SLC35F1: variants seen among roughly 807,000 people sequenced by gnomAD.
SLC35F1 encodes chromosome 6 open reading frame 169.
Under a neutral mutation model 48.7 loss-of-function variants are expected in SLC35F1, and 14 were observed. The ratio of observed to expected loss-of-function variants is 0.29; its 90% CI spans 0.19 to 0.45. SLC35F1 has a LOEUF of 0.45. SLC35F1 is among the 20% of genes least tolerant of loss of function. SLC35F1 has a pLI of 1.00. For missense variants in SLC35F1, 404 were observed against 500.0 expected, an observed-to-expected ratio of 0.81 and a Z score of 1.83; for synonymous variants, 190 against 202.2, an observed-to-expected ratio of 0.94 and a Z score of 0.51.
intron 7 of SLC35F1, among the ~76,000 whole-genome samples, chr6:118,306,290 G>A (rs938896697): frequency 7.2e-5 from 11 of 152,194 alleles, no homozygotes; most frequent in African/African-American, 2.4e-4. Flanking sequence ...GCAGTGACAG[G>A]AAGCATAAAT....
chr6:118,076,718 A>G (rs1455641208), intron 1 of SLC35F1, among the ~76,000 whole-genome samples: 1 of 152,224 alleles, frequency 6.6e-6, no homozygotes, highest in East Asian at 1.9e-4. Flanking sequence ...AACCGTTATC[A>G]GTTGGTTAAA....
At chr6:118,160,021 C>T (rs1425719239) in intron 2 of SLC35F1, among the ~76,000 whole-genome samples, 1 of 152,122 alleles carries the variant, frequency 6.6e-6, no homozygotes, top group Non-Finnish European at 1.5e-5. Flanking sequence ...GCAATTTACT[C>T]ATTGCTGGAG....
chr6:118,229,495 A>G (rs1315583936), intron 2 of SLC35F1, among the ~76,000 whole-genome samples: 3 of 152,202 alleles, frequency 2.0e-5, no homozygotes, highest in Non-Finnish European at 4.4e-5. Context: ...TCAGTAGGTC[A>G]GGAAAGATCC....
chr6:118,116,996 G>C (rs192106489), intron 1 of SLC35F1, among the ~76,000 whole-genome samples: 9 of 152,292 alleles, frequency 5.9e-5, no homozygotes, highest in African/African-American at 1.9e-4. Context: ...TCACAAGGCA[G>C]CATATTCTAA....
rs1479510914 is a variant in SLC35F1, at chr6:117,923,633, A to G, written c.173+15734A>G. On this transcript the variant is annotated intron_variant, in intron 1 of 7. Transcript: ENST00000360388. ...CATATACATATGTATATATACATAT[A>G]TGTACATATGTACATATGTACATAT... is the stretch of plus-strand genomic sequence containing the variant. Among the ~76,000 whole-genome samples, 2 of 113,772 alleles carry G rather than the reference A, an allele frequency of 1.8e-5. 1 individual carries two copies. The highest frequency in any genetic ancestry group is 7.3e-5 in the African/African-American group (2 of 27,262). 74.6% of individuals were successfully genotyped at this position (113,772 alleles called of 152,430 possible). A position where few individuals can be genotyped will look rare whatever the true frequency, so the allele number is the denominator to read the frequency against.
intron 1 of SLC35F1, among the ~76,000 whole-genome samples, chr6:118,009,067 A>G (rs1220139297): frequency 6.6e-6 from 1 of 152,152 alleles, no homozygotes; most frequent in East Asian, 1.9e-4. Flanking sequence ...TTCTGTATCT[A>G]TGTCCAGTTA....
intron 2 of SLC35F1, among the ~76,000 whole-genome samples, chr6:118,206,641 G>GA (rs1774938748): frequency 6.6e-6 from 1 of 152,158 alleles, no homozygotes; most frequent in African/African-American, 2.4e-5. Flanking sequence ...TTCTAAAACA[G>GA]AAAAAATTTC....
chr6:117,923,313 G>A (rs1775926405), intron 1 of SLC35F1, among the ~76,000 whole-genome samples: 1 of 151,884 alleles, frequency 6.6e-6, no homozygotes, highest in Non-Finnish European at 1.5e-5. Flanking sequence ...GTGGCCTACA[G>A]GCAGACAGCC....
At position 117,923,712 on chromosome 6, in the gene SLC35F1, T is replaced by TATACAC. The variant is rs1562238886; in HGVS notation, c.173+15816_173+15817insCACATA. ...ATATGTACATATACATATATGTACA[T>TATACAC]ATATACATATATACATATGTATATA... On this transcript the variant is annotated intron_variant, in intron 1 of 7. Coordinates refer to ENST00000360388, the MANE Select transcript of SLC35F1 (RefSeq NM_001029858.4). Among the ~76,000 whole-genome samples the TATACAC allele has an allele frequency of 1.9e-3, 38 of 20,178 alleles. 9 individuals carry two copies. The highest frequency in any genetic ancestry group is 0.011 in the South Asian group (3 of 282). 13.2% of individuals were successfully genotyped at this position (20,178 alleles called of 152,430 possible).
At chr6:118,214,245 T>C (rs952468767) in intron 2 of SLC35F1, among the ~76,000 whole-genome samples, 10 of 152,206 alleles carry the variant, frequency 6.6e-5, no homozygotes, top group South Asian at 2.1e-4. Flanking sequence ...AAAGTTCTTA[T>C]TGGGAAAAGT....
At chr6:118,072,005 T>C (rs1418201799) in intron 1 of SLC35F1, among the ~76,000 whole-genome samples, 1 of 152,228 alleles carries the variant, frequency 6.6e-6, no homozygotes, top group Non-Finnish European at 1.5e-5. Context: ...ATTGCTTTGC[T>C]AATTTATTTC....
intron 1 of SLC35F1, among the ~76,000 whole-genome samples, chr6:117,974,554 T>C (rs983187069): frequency 6.6e-6 from 1 of 152,176 alleles, no homozygotes; most frequent in African/African-American, 2.4e-5. Flanking sequence ...AATATAACTT[T>C]TTAATGCTGA....
At chr6:118,127,349 T>C (rs1445275598) in intron 1 of SLC35F1, among the ~76,000 whole-genome samples, 1 of 152,142 alleles carries the variant, frequency 6.6e-6, no homozygotes, top group African/African-American at 2.4e-5. Flanking sequence ...TCATGGTGGA[T>C]AAGCTTTTTG....
intron 2 of SLC35F1, among the ~76,000 whole-genome samples, chr6:118,160,189 C>A (rs543290136): frequency 2.6e-4 from 40 of 152,018 alleles, no homozygotes; most frequent in Admixed American, 5.2e-4. Context: ...ATATACAGAC[C>A]CTGAAAATAA....
chr6:118,011,499 A>G (rs1290197085), intron 1 of SLC35F1, among the ~76,000 whole-genome samples: 1 of 152,118 alleles, frequency 6.6e-6, no homozygotes, highest in East Asian at 1.9e-4. Context: ...TGATCTAGTC[A>G]CCTCCCACCA....
chr6:117,996,153 G>C (rs1027667118), intron 1 of SLC35F1, among the ~76,000 whole-genome samples: 1 of 152,096 alleles, frequency 6.6e-6, no homozygotes, highest in Non-Finnish European at 1.5e-5. Flanking sequence ...TTTAAGAGAA[G>C]AATATTAAAA....
chr6:118,063,640 T>G (rs556729879), intron 1 of SLC35F1, among the ~76,000 whole-genome samples: 1 of 152,142 alleles, frequency 6.6e-6, no homozygotes, highest in Non-Finnish European at 1.5e-5. Context: ...ACAGTGAGAA[T>G]TCTTCCTTTT....
At chr6:117,940,534 T>C (rs1391408480) in intron 1 of SLC35F1, among the ~76,000 whole-genome samples, 10 of 152,216 alleles carry the variant, frequency 6.6e-5, no homozygotes, top group Non-Finnish European at 1.5e-4. Flanking sequence ...CAAAGAGATA[T>C]CTGTACCCCC....
chr6:118,267,079 G>A lies in SLC35F1; in HGVS notation c.562G>A (p.Gly188Ser), dbSNP rs192702359. 29 of 1,613,920 alleles carry A rather than the reference G, an allele frequency of 1.8e-5. No individual in the cohort carries two copies. Among genetic ancestry groups the A allele is most frequent in the Admixed American group, 1.2e-4 (7 of 60,000 alleles). ...LIRYKAVHFI[G>S]IVVCILGMGC... The stretch of plus-strand genomic sequence containing the variant: ...CCGGTACAAGGCTGTGCATTTCATC[G>A]GCATCGTTGTCTGCATCCTGGGAAT... The change falls in exon 4 of 8, where the codon GGC becomes AGC. Residue 188 changes from glycine to serine, a missense_variant. By Grantham distance (56) the Gly-to-Ser change is moderately conservative (BLOSUM62 0). Transcript: ENST00000360388.
Sources: allele counts gnomAD v4.1 joint callset (sites outside exome capture counted in the v4.1 genomes callset), GRCh38; gene constraint gnomAD v4.1.1; transcripts MANE v1.5; gene names NCBI Gene and HGNC (gene_info 2026-07-23, HGNC 2026-07-21).